ADORA2B: variants seen among roughly 807,000 people sequenced by gnomAD.
The protein encoded by ADORA2B is adenosine receptor A2b.
A neutral mutation model predicts 20.8 loss-of-function variants in ADORA2B; 18 were observed. That is an observed-to-expected ratio of 0.87 (90% CI 0.60 to 1.29). The LOEUF is 1.29. Ranked by LOEUF, ADORA2B falls within the 50% of genes most tolerant of loss-of-function variation. The pLI is 0.00. For synonymous variants in ADORA2B, 179 were observed against 178.3 expected (o/e 1.00, Z -0.03); for missense variants, 441 against 422.7 (o/e 1.04, Z -0.38).
In ADORA2B at chr17:15,974,914, G is replaced by C; in HGVS notation, c.571G>C (p.Val191Leu). Residue 191 changes from valine to leucine, a missense_variant, in exon 2 of 2, where the codon GTT (valine) becomes CTT (leucine). Coordinates refer to ENST00000304222, the MANE Select transcript of ADORA2B (RefSeq NM_000676.4). ...GGTATATTTCAATTTCTTTGGGTGTGTTCTGCCCCCACTGCTTATAATGCT... is the reference window on the plus strand; with the variant it reads ...GGTATATTTCAATTTCTTTGGGTGTCTTCTGCCCCCACTGCTTATAATGCT... Reference protein sequence around the residue: ...YMVYFNFFGCVLPPLLIMLVI... With the variant: ...YMVYFNFFGCLLPPLLIMLVI... The C allele has an allele frequency of 6.2e-7, 1 of 1,614,146 alleles. No individual in the cohort carries two copies. The highest frequency in any genetic ancestry group is 8.5e-7 in the Non-Finnish European group (1 of 1,180,018).
chr17:15,961,160 C>G (rs1171070315), intron 1 of ADORA2B, among the ~76,000 whole-genome samples: 1 of 54,110 alleles, frequency 1.8e-5, no homozygotes, highest in Middle Eastern at 5.9e-3. Flanking sequence ...GAGCGAGACT[C>G]TGTCAAAAAA....
intron 1 of ADORA2B, among the ~76,000 whole-genome samples, chr17:15,965,917 CT>C (rs142886696): frequency 6.6e-4 from 100 of 152,226 alleles, no homozygotes; most frequent in Non-Finnish European, 1.3e-3. Context: ...TTCTATTTGA[CT>C]TTTTTGGTGC....
At chr17:15,921,746 G>A in the ADORA2B span, among the ~76,000 whole-genome samples, 1 of 152,068 alleles carries the variant, frequency 6.6e-6, no homozygotes. Context: ...AACTTCCAAA[G>A]CTAGCATGCT....
chr17:15,973,587 C>T (rs1970212579), intron 1 of ADORA2B, among the ~76,000 whole-genome samples: 2 of 152,208 alleles, frequency 1.3e-5, no homozygotes, highest in Non-Finnish European at 2.9e-5. Context: ...CAGCAGCATT[C>T]GATTCTCATA....
At chr17:15,912,172 A>G in the ADORA2B span, among the ~76,000 whole-genome samples, 1 of 147,828 alleles carries the variant, frequency 6.8e-6, no homozygotes, top group Non-Finnish European at 1.5e-5. Context: ...CCGAGATTGC[A>G]CCATTGCACT....
At chr17:15,893,281 C>T in the ADORA2B span, among the ~76,000 whole-genome samples, 1 of 152,190 alleles carries the variant, frequency 6.6e-6, no homozygotes, top group East Asian at 1.9e-4. Flanking sequence ...TGAGAAATAT[C>T]TCTAAGGTAT....
intron 1 of ADORA2B, among the ~76,000 whole-genome samples, chr17:15,965,275 G>A (rs1194930146): frequency 6.6e-6 from 1 of 152,158 alleles, no homozygotes; most frequent in African/African-American, 2.4e-5. Context: ...ATGTTTCTTT[G>A]ATTAAGAAGG....
At position 15,945,485 on chromosome 17, in the gene ADORA2B, C is replaced by T. The variant is rs750926514; in HGVS notation, c.237C>T (p.Leu79=). The T allele has an allele frequency of 6.2e-7, 1 of 1,612,924 alleles. No individual in the cohort carries two copies. Among genetic ancestry groups the T allele is most frequent in the Non-Finnish European group, 8.5e-7 (1 of 1,179,818 alleles). Residue 79 remains leucine (L), a synonymous_variant, in exon 1 of 2, where the codon CTC becomes CTT. Coordinates refer to ENST00000304222, the MANE Select transcript of ADORA2B (RefSeq NM_000676.4). The part of the protein sequence containing the change: ...LGFCTDFYGC[L]FLACFVLVLT... ...TCTGCACTGACTTCTACGGCTGCCT[C>T]TTCCTCGCCTGCTTCGTGCTGGTGC...
the ADORA2B span, among the ~76,000 whole-genome samples, chr17:15,871,113 G>A: frequency 2.6e-5 from 4 of 152,218 alleles, no homozygotes; most frequent in Admixed American, 2.0e-4. Flanking sequence ...ATGAGCCAGT[G>A]TGCTTTGGGG....
chr17:15,864,060 A>G, the ADORA2B span: 17 of 208,490 alleles, frequency 8.2e-5, no homozygotes, highest in African/African-American at 3.7e-4. Flanking sequence ...ACCAGTGTGG[A>G]AAGAAGAAAC....
chr17:15,877,666 A>G, the ADORA2B span, among the ~76,000 whole-genome samples: 1 of 152,242 alleles, frequency 6.6e-6, no homozygotes, highest in East Asian at 1.9e-4. Flanking sequence ...TCAACTGCTC[A>G]ATATCCACCT....
intron 1 of ADORA2B, among the ~76,000 whole-genome samples, chr17:15,964,458 A>G (rs1970075974): frequency 6.6e-6 from 1 of 151,202 alleles, no homozygotes; most frequent in South Asian, 2.1e-4. Context: ...AATACAAAAA[A>G]ATTAACCAGG....
At chr17:15,931,554 C>G in the ADORA2B span, among the ~76,000 whole-genome samples, 2 of 152,200 alleles carry the variant, frequency 1.3e-5, no homozygotes, top group Non-Finnish European at 1.5e-5. Context: ...AGATCCAGCT[C>G]TGCTACTTAA....
the ADORA2B span, among the ~76,000 whole-genome samples, chr17:15,916,261 C>T: frequency 6.6e-6 from 1 of 152,224 alleles, no homozygotes; most frequent in African/African-American, 2.4e-5. Flanking sequence ...TTCCTGGGGA[C>T]TGCAGCTTTG....
the ADORA2B span, among the ~76,000 whole-genome samples, chr17:15,879,087 T>C: frequency 6.6e-6 from 1 of 152,216 alleles, no homozygotes; most frequent in Admixed American, 6.5e-5. Context: ...TTTGTGTTAA[T>C]AAGGCCTGAT....
intron 1 of ADORA2B, among the ~76,000 whole-genome samples, chr17:15,949,581 C>A (rs1969868746): frequency 1.3e-5 from 2 of 151,948 alleles, no homozygotes; most frequent in African/African-American, 4.8e-5. Flanking sequence ...CGAAATAAAG[C>A]TTGGCAGGGG....
chr17:15,875,688 T>G, the ADORA2B span, among the ~76,000 whole-genome samples: 1 of 152,352 alleles, frequency 6.6e-6, no homozygotes, highest in Non-Finnish European at 1.5e-5. Flanking sequence ...GTTCAAGTGA[T>G]TCTCCTGCCT....
chr17:15,877,722 G>A, the ADORA2B span, among the ~76,000 whole-genome samples: 6 of 152,106 alleles, frequency 3.9e-5, no homozygotes, highest in African/African-American at 1.4e-4. Flanking sequence ...GGAAGAGAGA[G>A]TGTCTGGAGC....
At chr17:15,887,525 C>T in the ADORA2B span, among the ~76,000 whole-genome samples, 4 of 130,762 alleles carry the variant, frequency 3.1e-5, no homozygotes, top group South Asian at 6.8e-4. Flanking sequence ...ACACGTCATT[C>T]TGCCCACCCT....
Sources: gnomAD v4.1 joint callset for allele counts (sites outside exome capture counted in the v4.1 genomes callset) on GRCh38, gnomAD v4.1.1 for gene constraint, MANE v1.5 for transcripts, NCBI Gene and HGNC (gene_info 2026-07-23, HGNC 2026-07-21) for gene names.